The following ZNF107 variants were observed in gnomAD, a reference collection of about 807,000 sequenced individuals.
ZNF107 encodes the protein zinc finger protein 107.
In ZNF107, 19 loss-of-function variants were observed where a neutral mutation model predicts 12.3. The observed-to-expected ratio is 1.55, with a 90% CI of 1.08 to 2.27. ZNF107 has a LOEUF of 2.27. Among genes scored for constraint, ZNF107 ranks in the 30% most tolerant of loss-of-function variants. The pLI is 0.00. For synonymous variants in ZNF107, 317 were observed against 330.5 expected, an observed-to-expected ratio of 0.96 and a Z score of 0.44; for missense variants, 958 against 979.9, an observed-to-expected ratio of 0.98 and a Z score of 0.30.
intron 1 of ZNF107, among the ~76,000 whole-genome samples, chr7:64,685,731 A>G (rs1220625651): frequency 6.6e-6 from 1 of 152,122 alleles, no homozygotes; most frequent in African/African-American, 2.4e-5. Flanking sequence ...AGTTCTGCCT[A>G]CCCAGCCAAG....
intron 1 of ZNF107, among the ~76,000 whole-genome samples, chr7:64,680,371 T>G (rs1789609111): frequency 6.6e-6 from 1 of 152,112 alleles, no homozygotes. Flanking sequence ...CTACACTCAC[T>G]CCTGAAGAAT....
In ZNF107 at chr7:64,709,752, TTAG is replaced by T. The variant is rs1790822497; in HGVS notation, c.*1097_*1099del. On this transcript the variant is annotated 3_prime_UTR_variant, in exon 4 of 4. Transcript: ENST00000620827. Reference sequence around the variant, plus strand: ...TTATCTGCTCAGATTTTACTCAACATTAGAGAGTTAGTACGTAATAAAAGCATT... The same window carrying T: ...TTATCTGCTCAGATTTTACTCAACATAGAGTTAGTACGTAATAAAAGCATT... The T allele has an allele frequency of 2.2e-6, 1 of 455,198 alleles. No individual in the cohort carries two copies. 28.2% of individuals were successfully genotyped at this position (455,198 alleles called of 1,614,324 possible). A position where few individuals can be genotyped will look rare whatever the true frequency, so the allele number is the denominator to read the frequency against.
Position 64,706,722 on chromosome 7 carries a change from G to A in ZNF107, c.625G>A (p.Ala209Thr), listed in dbSNP as rs754762876. 16 of 1,612,502 alleles carry A rather than the reference G, an allele frequency of 9.9e-6. No individual in the cohort carries two copies. The Admixed American group carries it at 2.3e-4, about 24-fold the overall frequency. The change falls in exon 4 of 4, where the codon GCC (alanine) becomes ACC (threonine). Residue 209 changes from alanine to threonine, a missense_variant. By Grantham distance (58) the Ala-to-Thr change is moderately conservative. Transcript: ENST00000620827. ...NSYKCEECGK[A>T]FNWFSTLTKH... ...CTACAAATGTGAAGAATGTGGAAAA[G>A]CCTTTAACTGGTTCTCAACTCTTAC...
chr7:64,709,806 C>T lies in ZNF107; in HGVS notation c.*1150C>T. 2.2e-6 allele frequency: 1 copy of T among 448,606 alleles called. No individual in the cohort carries two copies. Among genetic ancestry groups the T allele is most frequent in the Non-Finnish European group, 4.4e-6 (1 of 224,992 alleles). The allele number at this position is 448,606 out of a possible 1,614,324, so 27.8% of individuals were successfully genotyped here. On this transcript the variant is annotated 3_prime_UTR_variant, in exon 4 of 4. Transcript: ENST00000620827. The stretch of plus-strand genomic sequence containing the variant: ...ATAAATGCAATTTTTGTCAAGAGAT[C>T]TTTCAGAAAATATAAGCCTTTAAAG...
chr7:64,679,259 G>A (rs764663991), intron 1 of ZNF107: 63 of 984,716 alleles, frequency 6.4e-5, no homozygotes, highest in Non-Finnish European at 7.5e-5. Flanking sequence ...CCCTTCCCCC[G>A]ACTTCTTGAA....
rs184622647 is a variant in ZNF107 at position 64,707,214 on chromosome 7, G to T, written c.1117G>T (p.Glu373Ter). ...HTGGKLNKCE[E>*]CDKAFNRSLK... is the part of the protein sequence containing the mutation. ...TGGAGGGAAACTCAACAAATGTGAA[G>T]AATGTGACAAAGCTTTTAACCGATC... is the stretch of plus-strand genomic sequence containing the variant. The change falls in exon 4 of 4, where the codon GAA (glutamate) becomes TAA (stop). Residue 373 changes from glutamate to a stop codon, truncating the protein, a stop_gained. Coordinates refer to ENST00000620827, the MANE Select transcript of ZNF107 (RefSeq NM_001282359.2). LOFTEE classifies it low-confidence loss of function (END_TRUNC). 2.3e-4 allele frequency: 371 copies of T among 1,613,560 alleles called. 2 individuals are homozygous for T. The East Asian group carries it at 6.8e-3, about 30-fold the overall frequency.
At chr7:64,703,407 A>C (rs149447276) in intron 3 of ZNF107, among the ~76,000 whole-genome samples, 2,430 of 152,270 alleles carry the variant, frequency 0.016, 29 homozygotes, top group Non-Finnish European at 0.025. Context: ...TAATTTCAAC[A>C]TTTAGTTATA....
At position 64,706,917 on chromosome 7, in the gene ZNF107, A is replaced by G. The variant is rs752741156; in HGVS notation, c.820A>G (p.Ile274Val). The G allele has an allele frequency of 6.2e-6, 10 of 1,612,166 alleles. No homozygotes were observed. The East Asian group carries it at 2.0e-4, about 32-fold the overall frequency. Reference protein sequence around the residue: ...KAFKQASHLTIHKIIHTGEKP... With the variant: ...KAFKQASHLTVHKIIHTGEKP... ...CTTTAAACAGGCCTCACACCTTACTATACATAAAATAATTCATACTGGAGA... is the reference window on the plus strand; with the variant it reads ...CTTTAAACAGGCCTCACACCTTACTGTACATAAAATAATTCATACTGGAGA... Residue 274 changes from isoleucine to valine, a missense_variant, in exon 4 of 4, where the codon ATA (isoleucine) becomes GTA (valine). By Grantham distance (29) the Ile-to-Val change is conservative (BLOSUM62 3). Coordinates refer to ENST00000620827, the MANE Select transcript of ZNF107 (RefSeq NM_001282359.2).
chr7:64,686,970 A>T, intron 1 of ZNF107: 1 of 985,476 alleles, frequency 1.0e-6, no homozygotes, highest in Non-Finnish European at 1.2e-6. Flanking sequence ...CCCGTTATTC[A>T]TAATGCTCAT....
At chr7:64,676,008 C>T (rs185078069) in intron 1 of ZNF107, among the ~76,000 whole-genome samples, 3 of 152,224 alleles carry the variant, frequency 2.0e-5, no homozygotes, top group South Asian at 2.1e-4. Flanking sequence ...TGCACCACCA[C>T]GCCCGGCTAA....
Position 64,709,190 on chromosome 7 carries a change from C to A in ZNF107, c.*534C>A. Reference sequence around the variant, plus strand: ...ACCCTTAACTGTAGATAAGAAAATTCATACTGGAAAGAAACCCTACAAATG... The same window carrying A: ...ACCCTTAACTGTAGATAAGAAAATTAATACTGGAAAGAAACCCTACAAATG... On this transcript the variant is annotated 3_prime_UTR_variant, in exon 4 of 4. Transcript: ENST00000620827. The A allele has an allele frequency of 2.4e-6, 1 of 416,550 alleles. No homozygotes were observed. Among genetic ancestry groups the A allele is most frequent in the South Asian group, 2.0e-5 (1 of 50,816 alleles). 25.8% of individuals were successfully genotyped at this position (416,550 alleles called of 1,614,324 possible). A position where few individuals can be genotyped will look rare whatever the true frequency, so the allele number is the denominator to read the frequency against.
intron 3 of ZNF107, among the ~76,000 whole-genome samples, chr7:64,703,980 C>T (rs745785199): frequency 6.6e-6 from 1 of 151,482 alleles, no homozygotes; most frequent in Admixed American, 6.6e-5. Context: ...TTACATAAAA[C>T]CTCTACAAGA....
chr7:64,689,946 G>C (rs567084889), intron 1 of ZNF107: 6 of 152,312 alleles, frequency 3.9e-5, no homozygotes, highest in African/African-American at 7.2e-5. Context: ...GAGGTCTGGA[G>C]ACTCAAGCAG....
At chr7:64,690,246 T>C in intron 1 of ZNF107, 1 of 426,558 alleles carries the variant, frequency 2.3e-6, no homozygotes, top group Non-Finnish European at 3.1e-6. Flanking sequence ...CATATTTATC[T>C]TATAATAAAA....
intron 1 of ZNF107, among the ~76,000 whole-genome samples, chr7:64,684,146 G>A (rs1250247684): frequency 6.6e-6 from 1 of 152,072 alleles, no homozygotes; most frequent in Non-Finnish European, 1.5e-5. Flanking sequence ...GAAAGGACTG[G>A]ACTGTTCTCC....
At chr7:64,702,168 A>T (rs1475091363) in intron 3 of ZNF107, among the ~76,000 whole-genome samples, 1 of 145,180 alleles carries the variant, frequency 6.9e-6, no homozygotes, top group Non-Finnish European at 1.5e-5. Context: ...TTTTTTTTTG[A>T]GACGGAGTCT....
At position 64,709,070 on chromosome 7, in the gene ZNF107, T is replaced by C. The variant is rs556542930; in HGVS notation, c.*414T>C. The C allele has an allele frequency of 1.1e-5, 5 of 461,322 alleles. No homozygotes were observed. Among genetic ancestry groups the C allele is most frequent in the African/African-American group, 4.0e-5 (2 of 49,730 alleles). The allele number at this position is 461,322 out of a possible 1,614,324, so 28.6% of individuals were successfully genotyped here. A position where few individuals can be genotyped will look rare whatever the true frequency, so the allele number is the denominator to read the frequency against. ...ATAGTTGTGAAGAATGTGGCAAAGC[T>C]TTTAACCAATCCTCATACCTTACTA... On this transcript the variant is annotated 3_prime_UTR_variant, in exon 4 of 4. Transcript: ENST00000620827.
intron 3 of ZNF107, among the ~76,000 whole-genome samples, chr7:64,697,733 C>T (rs1381375583): frequency 4.6e-5 from 7 of 150,582 alleles, no homozygotes; most frequent in Non-Finnish European, 8.8e-5. Flanking sequence ...CTTTGTCACC[C>T]AGGCTGGAGT....
chr7:64,686,403 T>C (rs1264757775), intron 1 of ZNF107: 5 of 494,804 alleles, frequency 1.0e-5, no homozygotes, highest in African/African-American at 8.4e-5. Flanking sequence ...AATCAATCTA[T>C]GCGACAAATG....
Sources: allele counts gnomAD v4.1 joint callset (sites outside exome capture counted in the v4.1 genomes callset), GRCh38; gene constraint gnomAD v4.1.1; transcripts MANE v1.5; gene names NCBI Gene and HGNC (gene_info 2026-07-23, HGNC 2026-07-21).